GRM1: variants seen among roughly 807,000 people sequenced by gnomAD.
GRM1 encodes the protein metabotropic glutamate receptor 1.
Under a neutral mutation model 90.9 loss-of-function variants are expected in GRM1, and 33 were observed. The observed-to-expected ratio is 0.36, with a 90% CI of 0.28 to 0.49. The LOEUF (loss-of-function observed/expected upper bound fraction) is 0.49. GRM1 is among the 20% of genes least tolerant of loss of function. The pLI is 0.99. For synonymous variants in GRM1, 700 were observed against 613.2 expected, an observed-to-expected ratio of 1.14 and a Z score of -2.09; for missense variants, 1,190 against 1,534.3, an observed-to-expected ratio of 0.78 and a Z score of 3.75.
At chr6:146,312,349 CAAAAAAAA>C (rs1166008558) in intron 3 of GRM1, among the ~76,000 whole-genome samples, 33 of 21,336 alleles carry the variant, frequency 1.5e-3, no homozygotes, top group African/African-American at 3.9e-3. Context: ...AACTCCGTCT[CAAAAAAAA>C]AAAAAAAAAA....
At chr6:146,378,968 C>T in intron 5 of GRM1, among the ~76,000 whole-genome samples, 1 of 152,122 alleles carries the variant, frequency 6.6e-6, no homozygotes, top group East Asian at 1.9e-4. Context: ...CTTTGTGTTC[C>T]ACCATGATTG....
intron 3 of GRM1, among the ~76,000 whole-genome samples, chr6:146,329,867 G>T (rs534824823): frequency 5.3e-5 from 8 of 152,236 alleles, no homozygotes; most frequent in Middle Eastern, 6.8e-3. Context: ...ATTGAATACT[G>T]TACTGAAAGT....
rs146344836 is a variant in GRM1 at position 146,095,877 on chromosome 6, C to T, written c.701-63471C>T. ...TAAAACATCTCTGCCAAGTGATCTC[C>T]CAGCTTTTTCTTGAACATCTCCAGT... is the stretch of plus-strand genomic sequence containing the variant. On this transcript the variant is annotated intron_variant, in intron 1 of 7. Transcript: ENST00000282753. 1.3e-3 allele frequency among the ~76,000 whole-genome samples: 199 copies of T among 152,236 alleles called. 1 individual carries two copies. Among genetic ancestry groups the T allele is most frequent in the African/African-American group, 4.6e-3 (191 of 41,548 alleles).
rs568064719 is a variant in GRM1, at chr6:146,179,716, T to C, written c.950+20119T>C. Among the ~76,000 whole-genome samples, 8 of 152,236 alleles carry C rather than the reference T, an allele frequency of 5.3e-5. No individual in the cohort carries two copies. In the East Asian group the frequency reaches 7.7e-4, roughly 15 times the overall value. On this transcript the variant is annotated intron_variant, in intron 2 of 7. Coordinates refer to ENST00000282753, the MANE Select transcript of GRM1 (RefSeq NM_001278064.2). ...GTATTTTTAGTAGACGGGGTTTCAC[T>C]GTGTTAGCCAGGATAGTCTCGATCT...
At position 146,399,533 on chromosome 6, in the gene GRM1, A is replaced by C; in HGVS notation, c.2494A>C (p.Thr832Pro). 6.2e-7 allele frequency: 1 copy of C among 1,613,940 alleles called. No individual in the cohort carries two copies. The highest frequency in any genetic ancestry group is 8.5e-7 in the Non-Finnish European group (1 of 1,179,980). ...AACAGTGGCTCTGGGGTGCATGTTC[A>C]CTCCCAAGATGTACATCATTATTGC... ...SVTVALGCMF[T>P]PKMYIIIAKP... Residue 832 changes from threonine to proline, a missense_variant, in exon 7 of 8, where the codon ACT becomes CCT. Transcript: ENST00000282753. This position sits in a 1 kb window ranked among gnomAD's most constrained non-coding sequence, Gnocchi z 5.4.
At chr6:146,330,815 C>T (rs1264220124) in intron 3 of GRM1, among the ~76,000 whole-genome samples, 1 of 152,102 alleles carries the variant, frequency 6.6e-6, no homozygotes, top group Admixed American at 6.6e-5. Context: ...TATACTATTA[C>T]ATCATAATTA....
intron 2 of GRM1, among the ~76,000 whole-genome samples, chr6:146,267,662 G>GCTGGA (rs1781950375): frequency 8.7e-6 from 1 of 114,998 alleles, no homozygotes; most frequent in Non-Finnish European, 1.7e-5. Flanking sequence ...GCTGGGCTGG[G>GCTGGA]CTGGGCTGGG....
At chr6:146,150,188 C>T (rs1583073846) in intron 1 of GRM1, among the ~76,000 whole-genome samples, 1 of 152,066 alleles carries the variant, frequency 6.6e-6, no homozygotes. Flanking sequence ...AGAAGGACAA[C>T]CTCCCCTCTC....
chr6:146,150,931 T>TGCGC (rs940930561), intron 1 of GRM1, among the ~76,000 whole-genome samples: 70 of 25,318 alleles, frequency 2.8e-3, no homozygotes, highest in Admixed American at 0.013. Flanking sequence ...CACACACGCG[T>TGCGC]GTGCGCGCAC....
intron 6 of GRM1, among the ~76,000 whole-genome samples, chr6:146,395,068 A>T (rs116684139): frequency 0.011 from 1,690 of 152,022 alleles, 25 homozygotes; most frequent in African/African-American, 0.038. Flanking sequence ...TTCAAATGAA[A>T]CTTCTGCTTG....
intron 1 of GRM1, among the ~76,000 whole-genome samples, chr6:146,134,485 G>T (rs1022970771): frequency 6.6e-6 from 1 of 152,132 alleles, no homozygotes; most frequent in African/African-American, 2.4e-5. Context: ...GTTCGGGGTG[G>T]CTTGGGAGGC....
intron 1 of GRM1, among the ~76,000 whole-genome samples, chr6:146,043,289 C>T (rs1370437967): frequency 6.6e-6 from 1 of 151,876 alleles, no homozygotes; most frequent in Non-Finnish European, 1.5e-5. Flanking sequence ...CAGAGTGAGA[C>T]CTTGTCTAAA....
intron 2 of GRM1, among the ~76,000 whole-genome samples, chr6:146,172,015 T>C (rs1021633200): frequency 6.6e-6 from 1 of 151,954 alleles, no homozygotes; most frequent in Non-Finnish European, 1.5e-5. Flanking sequence ...AATATGGTCC[T>C]ACCTTGAGCT....
intron 2 of GRM1, among the ~76,000 whole-genome samples, chr6:146,300,806 C>T (rs1783350579): frequency 6.6e-6 from 1 of 152,148 alleles, no homozygotes; most frequent in Non-Finnish European, 1.5e-5. Context: ...CAAGCACAGT[C>T]TAGTTTACAC....
At chr6:146,087,304 A>G (rs1350151853) in intron 1 of GRM1, among the ~76,000 whole-genome samples, 1 of 152,156 alleles carries the variant, frequency 6.6e-6, no homozygotes, top group Non-Finnish European at 1.5e-5. Flanking sequence ...AAGAGGTCCT[A>G]TCTGCCTGCA....
At chr6:146,036,591 C>G (rs1361629779) in intron 1 of GRM1, among the ~76,000 whole-genome samples, 1 of 151,952 alleles carries the variant, frequency 6.6e-6, no homozygotes, top group Non-Finnish European at 1.5e-5. Flanking sequence ...GCTTTACTCT[C>G]TTAAACTTAA....
intron 3 of GRM1, among the ~76,000 whole-genome samples, chr6:146,323,679 T>G (rs1180312480): frequency 1.3e-5 from 2 of 152,232 alleles, no homozygotes; most frequent in East Asian, 3.9e-4. Context: ...GCCCATGTCC[T>G]GAATGGTATT....
intron 1 of GRM1, among the ~76,000 whole-genome samples, chr6:146,069,846 T>C (rs1027818524): frequency 1.3e-5 from 2 of 152,192 alleles, no homozygotes; most frequent in Non-Finnish European, 2.9e-5. Flanking sequence ...GTGCAAGTTG[T>C]TTTAAATATA....
At chr6:146,235,894 A>G (rs565535924) in intron 2 of GRM1, among the ~76,000 whole-genome samples, 1 of 151,838 alleles carries the variant, frequency 6.6e-6, no homozygotes, top group Non-Finnish European at 1.5e-5. Context: ...TTCCTGTTGG[A>G]TAGTGACAAC....
Sources: allele counts gnomAD v4.1 joint callset (sites outside exome capture counted in the v4.1 genomes callset), GRCh38; gene constraint gnomAD v4.1.1; non-coding constraint Gnocchi (gnomAD v3.1); transcripts MANE v1.5; gene names NCBI Gene and HGNC (gene_info 2026-07-23, HGNC 2026-07-21).